The following PHIP variants were observed in gnomAD, a reference collection of about 807,000 sequenced individuals.
PHIP encodes PH-interacting protein.
In PHIP, 54 loss-of-function variants were observed where a neutral mutation model predicts 236.8. The observed-to-expected ratio is 0.23, with a 90% confidence interval of 0.18 to 0.29. PHIP has a LOEUF of 0.29. PHIP is among the 10% of genes least tolerant of loss of function. The probability of loss-of-function intolerance (pLI) is 1.00; values close to 1 mark genes in which losing one functional copy is unlikely to be tolerated. For synonymous variants in PHIP, 756 were observed against 718.9 expected (o/e 1.05, Z -0.83); for missense variants, 1,370 against 2,190.8 (o/e 0.63, Z 7.48).
At chr6:78,955,194 C>T in intron 34 of PHIP, 38 bp downstream of exon 34, 1 of 1,395,400 alleles carries the variant, frequency 7.2e-7, no homozygotes, top group Non-Finnish European at 1.0e-6. Context: ...CATTTTAATT[C>T]ATATAAAGTA....
intron 17 of PHIP, among the ~76,000 whole-genome samples, chr6:79,001,310 A>G (rs1306729818): frequency 6.6e-6 from 1 of 152,074 alleles, no homozygotes. Flanking sequence ...ACTCCATTAT[A>G]CTTCACTAAA....
intron 19 of PHIP, 60 bp from the exon 20 acceptor site, chr6:78,991,045 G>C (rs1032523395): frequency 5.2e-6 from 5 of 967,114 alleles, no homozygotes; most frequent in Non-Finnish European, 6.4e-6. Context: ...TCCTCCAAAA[G>C]GAATGTTAGG....
At chr6:79,032,680 A>G (rs1449198577) in intron 7 of PHIP, among the ~76,000 whole-genome samples, 1 of 151,912 alleles carries the variant, frequency 6.6e-6, no homozygotes, top group Non-Finnish European at 1.5e-5. Flanking sequence ...AACCCCTGAA[A>G]GTCATCCACA....
In PHIP at chr6:79,075,469, T is replaced by C. The variant is rs141050076; in HGVS notation, c.189+1979A>G. Among the ~76,000 whole-genome samples, 84 of 152,158 alleles carry C rather than the reference T, an allele frequency of 5.5e-4. No homozygotes were observed. In the East Asian group the frequency reaches 0.012, roughly 22 times the overall value. On this transcript the variant is annotated intron_variant, in intron 4 of 39. Transcript: ENST00000275034. ...CAAGAAAAACCACTTCCATTCAAAA[T>C]AGGTGAATTTTGAGCATAATACATA... is the stretch of plus-strand genomic sequence containing the variant.
At chr6:78,961,642 A>C (rs1766788865) in intron 31 of PHIP, 48 bp downstream of exon 31, 1 of 1,593,412 alleles carries the variant, frequency 6.3e-7, no homozygotes, top group South Asian at 1.1e-5. Flanking sequence ...AATGGGTGGA[A>C]AGATCACCAG....
At position 79,015,794 on chromosome 6, in the gene PHIP, G is replaced by A. The variant is rs777659391; in HGVS notation, c.1236-11C>T. 2 of 1,602,236 alleles carry A rather than the reference G, an allele frequency of 1.2e-6. No individual in the cohort carries two copies. The highest frequency in any genetic ancestry group is 1.7e-5 in the Admixed American group (1 of 58,448). ...CCTTGAAGGTTTTGGCTGAAAGTGA[G>A]GAAGTGTTTTACACTGACTATTAAA... On this transcript the variant is annotated splice_polypyrimidine_tract_variant and intron_variant, in intron 13 of 39. Transcript: ENST00000275034.
intron 1 of PHIP, 53 bp from the exon 2 acceptor site, chr6:79,077,966 G>A (rs1023116855): frequency 1.3e-6 from 2 of 1,591,272 alleles, no homozygotes; most frequent in African/African-American, 1.3e-5. Flanking sequence ...TCGGGCGGCG[G>A]GGGGCGGGGG....
intron 6 of PHIP, among the ~76,000 whole-genome samples, chr6:79,053,458 C>T (rs1772906584): frequency 6.6e-6 from 1 of 152,128 alleles, no homozygotes; most frequent in African/African-American, 2.4e-5. Flanking sequence ...TCTTCATGTG[C>T]CATAAAAGTT....
At chr6:79,044,849 G>A (rs538391500) in intron 6 of PHIP, among the ~76,000 whole-genome samples, 1 of 152,036 alleles carries the variant, frequency 6.6e-6, no homozygotes, top group East Asian at 1.9e-4. Context: ...TATTTTATAA[G>A]CAAAAACTAC....
intron 37 of PHIP, chr6:78,946,507 T>C (rs866719231): frequency 2.2e-6 from 3 of 1,390,622 alleles, no homozygotes; most frequent in Non-Finnish European, 2.8e-6. Flanking sequence ...TTTTACTGTA[T>C]AGATTTAGCA....
chr6:79,070,872 A>G lies in PHIP; in HGVS notation c.189+6576T>C, dbSNP rs866130797. Among the ~76,000 whole-genome samples the G allele has an allele frequency of 1.3e-4, 20 of 152,232 alleles. No homozygotes were observed. The Middle Eastern group carries it at 0.014, about 104-fold the overall frequency. Reference sequence around the variant, plus strand: ...AAAAATTTTTTATGTATTTTTTTCTAAACTATTTTGATCTACAGTTGAATT... The same window carrying G: ...AAAAATTTTTTATGTATTTTTTTCTGAACTATTTTGATCTACAGTTGAATT... On this transcript the variant is annotated intron_variant, in intron 4 of 39. Transcript: ENST00000275034.
chr6:79,026,853 ATAATTT>A (rs1016981153), intron 7 of PHIP, among the ~76,000 whole-genome samples: 21 of 151,134 alleles, frequency 1.4e-4, no homozygotes, highest in African/African-American at 4.9e-4. Context: ...TTTTATTATA[ATAATTT>A]TAAATATATA....
chr6:78,952,329 G>GAATCGCTTGAATCC (rs1373864958), intron 35 of PHIP, among the ~76,000 whole-genome samples: 4 of 148,276 alleles, frequency 2.7e-5, no homozygotes, highest in African/African-American at 1.0e-4. Context: ...CGAGGCAGGA[G>GAATCGCTTGAATCC]AATCGCTTGA....
intron 15 of PHIP, among the ~76,000 whole-genome samples, chr6:79,008,926 A>G (rs1422869556): frequency 1.3e-5 from 2 of 152,138 alleles, no homozygotes; most frequent in African/African-American, 4.8e-5. Flanking sequence ...CCATTTATTA[A>G]ATCTTTCCTC....
intron 27 of PHIP, 109 bp downstream of exon 27, chr6:78,969,726 C>G (rs1376059971): frequency 3.6e-6 from 2 of 550,422 alleles, no homozygotes; most frequent in Admixed American, 3.7e-5. Context: ...CTACAAATAG[C>G]AAAAAGATTT....
At chr6:78,971,695 G>A (rs1767571492) in intron 24 of PHIP, among the ~76,000 whole-genome samples, 1 of 152,146 alleles carries the variant, frequency 6.6e-6, no homozygotes, top group Non-Finnish European at 1.5e-5. Flanking sequence ...CCGAAGTAGG[G>A]TGAGGCATTG....
chr6:79,026,891 C>T (rs1400806270), intron 7 of PHIP, among the ~76,000 whole-genome samples: 1 of 151,484 alleles, frequency 6.6e-6, no homozygotes, highest in East Asian at 1.9e-4. Flanking sequence ...AGAATAGTAT[C>T]GTTAATCCCC....
intron 16 of PHIP, among the ~76,000 whole-genome samples, chr6:79,003,490 T>G (rs1331506657): frequency 2.0e-5 from 3 of 152,154 alleles, no homozygotes; most frequent in African/African-American, 7.2e-5. Context: ...CCCAGGAGGC[T>G]AAGAGTTATT....
intron 27 of PHIP, among the ~76,000 whole-genome samples, chr6:78,969,570 C>T (rs953943815): frequency 2.6e-5 from 4 of 151,908 alleles, no homozygotes; most frequent in Non-Finnish European, 4.4e-5. Flanking sequence ...TATTTTTATA[C>T]AAAAATTTAA....
Sources: gnomAD v4.1 joint callset for allele counts (sites outside exome capture counted in the v4.1 genomes callset) on GRCh38, gnomAD v4.1.1 for gene constraint, MANE v1.5 for transcripts, NCBI Gene and HGNC (gene_info 2026-07-23, HGNC 2026-07-21) for gene names.